The following RCAN2 variants were observed in gnomAD, a reference collection of about 807,000 sequenced individuals.
The protein encoded by RCAN2 is regulator of calcineurin 2, also known as calcipressin-2.
A neutral mutation model predicts 23.6 loss-of-function variants in RCAN2; 9 were observed. That is an observed-to-expected ratio of 0.38 (90% CI 0.23 to 0.67). The LOEUF (loss-of-function observed/expected upper bound fraction) is 0.67. RCAN2 is among the 30% of genes least tolerant of loss of function. The probability of loss-of-function intolerance (pLI) is 0.51; values close to 1 mark genes in which losing one functional copy is unlikely to be tolerated. For missense variants in RCAN2, 273 were observed against 302.3 expected (o/e 0.90, Z 0.72); for synonymous variants, 109 against 115.7 (o/e 0.94, Z 0.37).
chr6:46,307,295 T>C (rs1763102308), intron 2 of RCAN2, among the ~76,000 whole-genome samples: 1 of 152,112 alleles, frequency 6.6e-6, no homozygotes, highest in South Asian at 2.1e-4. Context: ...AAGCGCAATG[T>C]TCAAGACAAA....
chr6:46,335,269 G>A (rs545672929), intron 2 of RCAN2, among the ~76,000 whole-genome samples: 48 of 152,254 alleles, frequency 3.2e-4, no homozygotes, highest in Non-Finnish European at 6.3e-4. Flanking sequence ...TGGAAGCATC[G>A]GAGTCCTCAT....
chr6:46,283,876 A>G (rs749255438), intron 2 of RCAN2, among the ~76,000 whole-genome samples: 4 of 152,222 alleles, frequency 2.6e-5, no homozygotes, highest in Non-Finnish European at 4.4e-5. Context: ...TGGTAGAAGT[A>G]GTAGAATTTT....
chr6:46,227,578 G>C (rs1036263185), intron 4 of RCAN2, among the ~76,000 whole-genome samples: 1 of 131,078 alleles, frequency 7.6e-6, no homozygotes, highest in Non-Finnish European at 1.7e-5. Context: ...TGCGTAGAGT[G>C]TTTATAGTAT....
At chr6:46,328,907 C>A (rs1256408751) in intron 2 of RCAN2, among the ~76,000 whole-genome samples, 1 of 152,190 alleles carries the variant, frequency 6.6e-6, no homozygotes, top group East Asian at 1.9e-4. Flanking sequence ...CCACCCCTAG[C>A]CGAGAATGTG....
intron 2 of RCAN2, among the ~76,000 whole-genome samples, chr6:46,277,663 C>A (rs990369232): frequency 3.6e-4 from 54 of 151,780 alleles, no homozygotes; most frequent in African/African-American, 1.1e-3. Flanking sequence ...ACAGTTCCTG[C>A]ACCCCCTTTC....
chr6:46,256,970 T>A (rs1766939979), intron 2 of RCAN2, among the ~76,000 whole-genome samples: 1 of 152,100 alleles, frequency 6.6e-6, no homozygotes, highest in Non-Finnish European at 1.5e-5. Context: ...GTCTATGGAA[T>A]AAAGATGGGC....
chr6:46,349,091 C>T (rs188610828), intron 2 of RCAN2, among the ~76,000 whole-genome samples: 14 of 152,258 alleles, frequency 9.2e-5, no homozygotes, highest in Admixed American at 2.6e-4. Flanking sequence ...TTAAAATTTA[C>T]GGACATTTAC....
chr6:46,353,307 C>T (rs142436621), intron 2 of RCAN2, among the ~76,000 whole-genome samples: 273 of 151,970 alleles, frequency 1.8e-3, no homozygotes, highest in Middle Eastern at 3.4e-3. Context: ...ACTTTCTCAT[C>T]GTGTACCTGA....
Position 46,223,371 on chromosome 6 carries a change from C to T in RCAN2, c.572-70G>A, listed in dbSNP as rs1765545483. The T allele has an allele frequency of 2.0e-5, 29 of 1,440,300 alleles. 1 individual carries two copies. The South Asian group carries it at 3.2e-4, about 16-fold the overall frequency. 89.2% of individuals were successfully genotyped at this position (1,440,300 alleles called of 1,614,324 possible). A position where few individuals can be genotyped will look rare whatever the true frequency, so the allele number is the denominator to read the frequency against. On this transcript the variant is annotated intron_variant, in intron 4 of 4. Transcript: ENST00000371374. ...AAAAGAGATCCTGGAGCAGGGTCTG[C>T]TTAGGAAATGACAGGAGCATTTTCC... is the stretch of plus-strand genomic sequence containing the variant.
At chr6:46,393,788 A>AT (rs1766004599) in intron 2 of RCAN2, among the ~76,000 whole-genome samples, 2 of 151,962 alleles carry the variant, frequency 1.3e-5, no homozygotes, top group Admixed American at 6.6e-5. Context: ...GAACTCTTCC[A>AT]TTTTCTCCTC....
chr6:46,391,673 T>C lies in RCAN2; in HGVS notation c.225+65079A>G, dbSNP rs187169817. Among the ~76,000 whole-genome samples the C allele has an allele frequency of 1.5e-3, 229 of 152,326 alleles. 3 individuals carry two copies. The highest frequency in any genetic ancestry group is 5.8e-4 in the East Asian group (3 of 5,188). On this transcript the variant is annotated intron_variant, in intron 2 of 4. Transcript: ENST00000371374. ...TAAGGTCTGCTGTGGGCTGTGACAG[T>C]GGAAGTTGGAGGAGTTATACCTGAT...
At chr6:46,306,841 C>T (rs1486342405) in intron 2 of RCAN2, among the ~76,000 whole-genome samples, 3 of 152,100 alleles carry the variant, frequency 2.0e-5, no homozygotes, top group Admixed American at 6.5e-5. Context: ...CCTTGACCTG[C>T]CCTACTTTTT....
At chr6:46,344,847 G>GC (rs1764434552) in intron 2 of RCAN2, among the ~76,000 whole-genome samples, 1 of 119,804 alleles carries the variant, frequency 8.3e-6, no homozygotes. Context: ...CAAGATGACA[G>GC]ATTAAACTCA....
intron 2 of RCAN2, among the ~76,000 whole-genome samples, chr6:46,414,180 A>G (rs1766633002): frequency 6.6e-6 from 1 of 152,234 alleles, no homozygotes; most frequent in Non-Finnish European, 1.5e-5. Flanking sequence ...TATTCTAAAT[A>G]TATTTAATAA....
chr6:46,273,897 G>C (rs1192543586), intron 2 of RCAN2, among the ~76,000 whole-genome samples: 2 of 151,308 alleles, frequency 1.3e-5, no homozygotes, highest in African/African-American at 4.9e-5. Context: ...TGTTTCTTTT[G>C]TGAACAAGCC....
chr6:46,434,095 A>G (rs1261472396), intron 2 of RCAN2, among the ~76,000 whole-genome samples: 9 of 152,208 alleles, frequency 5.9e-5, no homozygotes, highest in Non-Finnish European at 1.3e-4. Flanking sequence ...CCTCTGACCA[A>G]TGTGCTGATT....
chr6:46,397,156 GT>G (rs1176003774), intron 2 of RCAN2, among the ~76,000 whole-genome samples: 1 of 152,120 alleles, frequency 6.6e-6, no homozygotes, highest in Non-Finnish European at 1.5e-5. Context: ...TGAAGTTACT[GT>G]GTTTCACAAT....
At chr6:46,445,251 T>A (rs933069680) in intron 2 of RCAN2, among the ~76,000 whole-genome samples, 4 of 152,056 alleles carry the variant, frequency 2.6e-5, no homozygotes, top group Admixed American at 1.3e-4. Context: ...TCCACCCCCA[T>A]AGAACCAATC....
chr6:46,458,893 G>A (rs552298708), intron 1 of RCAN2, among the ~76,000 whole-genome samples: 6 of 138,438 alleles, frequency 4.3e-5, no homozygotes, highest in Admixed American at 7.5e-5. Flanking sequence ...AAACGCGCGC[G>A]CACGTGTGTG....
Sources: allele counts gnomAD v4.1 joint callset (sites outside exome capture counted in the v4.1 genomes callset), GRCh38; gene constraint gnomAD v4.1.1; transcripts MANE v1.5; gene names NCBI Gene and HGNC (gene_info 2026-07-23, HGNC 2026-07-21).